The following UST variants were observed in gnomAD, a reference collection of about 807,000 sequenced individuals.
UST encodes chondroitin sulfate 2-O-sulfotransferase.
UST carries 21 observed loss-of-function variants against 45.6 expected under a neutral mutation model. That is an observed-to-expected ratio of 0.46 (90% confidence interval 0.33 to 0.66). UST has a LOEUF of 0.66. Among genes scored for constraint, UST ranks in the 30% least tolerant of loss-of-function variants. The pLI is 0.02. For synonymous variants in UST, 215 were observed against 200.6 expected (o/e 1.07, Z -0.61); for missense variants, 463 against 512.4 (o/e 0.90, Z 0.93).
At chr6:148,797,762 A>C (rs1483437462) in intron 1 of UST, among the ~76,000 whole-genome samples, 1 of 152,192 alleles carries the variant, frequency 6.6e-6, no homozygotes, top group Non-Finnish European at 1.5e-5. Context: ...GGAGGGAAGG[A>C]AGGCAGTTCA....
chr6:148,964,342 T>C, intron 4 of UST, 68 bp from the exon 5 acceptor site: 1 of 1,575,466 alleles, frequency 6.3e-7, no homozygotes, highest in Non-Finnish European at 8.7e-7. Flanking sequence ...GAAGGGGAGA[T>C]GTTGTCTAAG....
intron 7 of UST, among the ~76,000 whole-genome samples, chr6:149,052,159 T>C (rs1255936182): frequency 6.6e-6 from 1 of 152,232 alleles, no homozygotes; most frequent in East Asian, 1.9e-4. Context: ...CTCAAAGTCT[T>C]GATGTCTGTA....
intron 1 of UST, among the ~76,000 whole-genome samples, chr6:148,805,057 ATATTTT>A (rs1777121591): frequency 6.6e-6 from 1 of 152,124 alleles, no homozygotes; most frequent in Non-Finnish European, 1.5e-5. Context: ...TTGCATATTT[ATATTTT>A]TGAGTTTCAC....
chr6:148,827,022 C>A (rs1312931586), intron 1 of UST, among the ~76,000 whole-genome samples: 4 of 152,066 alleles, frequency 2.6e-5, no homozygotes, highest in Non-Finnish European at 4.4e-5. Context: ...TTCACAGGTT[C>A]TGGGAGTTAG....
At position 149,075,043 on chromosome 6, in the gene UST, C is replaced by T. The variant is rs1185149666; in HGVS notation, c.*927C>T. 1.3e-5 allele frequency: 2 copies of T among 152,214 alleles called. No homozygotes were observed. The allele number at this position is 152,214 out of a possible 1,614,324, so 9.4% of individuals were successfully genotyped here. On this transcript the variant is annotated 3_prime_UTR_variant, in exon 8 of 8. Coordinates refer to ENST00000367463, the MANE Select transcript of UST (RefSeq NM_005715.3). ...TGTGTAAGGAAGAATGTAGACAAGACAGATAAATCTGAAGGTCATGTGGCA... is the reference window on the plus strand; with the variant it reads ...TGTGTAAGGAAGAATGTAGACAAGATAGATAAATCTGAAGGTCATGTGGCA...
At chr6:148,855,360 A>T (rs1007298891) in intron 1 of UST, among the ~76,000 whole-genome samples, 2 of 152,202 alleles carry the variant, frequency 1.3e-5, no homozygotes, top group African/African-American at 4.8e-5. Context: ...TTGTTCTCAG[A>T]TCACTGCCCT....
intron 2 of UST, among the ~76,000 whole-genome samples, chr6:148,892,651 T>C (rs887500754): frequency 6.6e-6 from 1 of 152,222 alleles, no homozygotes; most frequent in Non-Finnish European, 1.5e-5. Context: ...ATGCAGCTAG[T>C]GGTTACTGTC....
intron 7 of UST, among the ~76,000 whole-genome samples, chr6:149,033,614 C>T (rs1381118741): frequency 6.6e-6 from 1 of 152,110 alleles, no homozygotes; most frequent in Non-Finnish European, 1.5e-5. Flanking sequence ...CCAACATAAT[C>T]CCACACTGAT....
chr6:148,764,812 C>T (rs981053112), intron 1 of UST, among the ~76,000 whole-genome samples: 3 of 152,134 alleles, frequency 2.0e-5, no homozygotes, highest in Non-Finnish European at 4.4e-5. Context: ...ACTTCCATGT[C>T]CTGCTGTGCA....
At chr6:148,826,119 T>C (rs1777563142) in intron 1 of UST, among the ~76,000 whole-genome samples, 1 of 152,154 alleles carries the variant, frequency 6.6e-6, no homozygotes, top group African/African-American at 2.4e-5. Context: ...CATCCTGTTT[T>C]GTTTTGTTTT....
rs1033724125 is a variant in UST, at chr6:148,790,327, C to T, written c.247+42650C>T. Among the ~76,000 whole-genome samples, 3 of 152,268 alleles carry T rather than the reference C, an allele frequency of 2.0e-5. No homozygotes were observed. Among genetic ancestry groups the T allele is most frequent in the East Asian group, 1.9e-4 (1 of 5,182 alleles). ...CCGTTTTGCTGTCTGCTCTCTCCAG[C>T]GCCTCATGATGTCAGATGTAGAATA... On this transcript the variant is annotated intron_variant, in intron 1 of 7. Transcript: ENST00000367463. This position sits in a 1 kb window ranked among gnomAD's most constrained non-coding sequence, Gnocchi z 4.2.
rs138917634 is a variant in UST, at chr6:148,992,866, T to C, written c.682-26273T>C. On this transcript the variant is annotated intron_variant, in intron 5 of 7. Coordinates refer to ENST00000367463, the MANE Select transcript of UST (RefSeq NM_005715.3). ...CTTAACCTCTTTTGTGTCATGAACC[T>C]CTTTAGCAGTCTAGTGAAGTCTACA... 243 of 368,394 alleles carry C rather than the reference T, an allele frequency of 6.6e-4. 3 individuals carry two copies. In the Admixed American group the frequency reaches 0.013, roughly 19 times the overall value. The allele number at this position is 368,394 out of a possible 1,614,324, so 22.8% of individuals were successfully genotyped here.
intron 7 of UST, among the ~76,000 whole-genome samples, chr6:149,054,058 C>T (rs542577483): frequency 6.6e-6 from 1 of 152,158 alleles, no homozygotes; most frequent in Non-Finnish European, 1.5e-5. Context: ...CTATTCTCAC[C>T]CCATCCCCCC....
intron 2 of UST, among the ~76,000 whole-genome samples, chr6:148,899,350 C>T (rs375359964): frequency 9.9e-5 from 15 of 152,144 alleles, no homozygotes; most frequent in South Asian, 2.1e-4. Flanking sequence ...CTGCCCGCCT[C>T]GGCCTCCCAA....
chr6:148,782,352 G>A (rs1378533555), intron 1 of UST, among the ~76,000 whole-genome samples: 3 of 152,138 alleles, frequency 2.0e-5, no homozygotes, highest in Non-Finnish European at 4.4e-5. Context: ...CAGATGTGGT[G>A]GAAATAGCGA....
intron 1 of UST, among the ~76,000 whole-genome samples, chr6:148,870,104 TCACACACACACACACA>T (rs60229120): frequency 1.6e-4 from 22 of 141,550 alleles, no homozygotes; most frequent in Non-Finnish European, 3.2e-4. Context: ...TGGTAATGTT[TCACACACACACACACA>T]CACACACACA....
intron 1 of UST, among the ~76,000 whole-genome samples, chr6:148,851,966 G>C (rs1235926593): frequency 6.6e-6 from 1 of 152,208 alleles, no homozygotes; most frequent in Non-Finnish European, 1.5e-5. Context: ...ATGTGGCTGG[G>C]AAAGGTTTCA....
chr6:148,987,322 A>G (rs896689536), intron 5 of UST, among the ~76,000 whole-genome samples: 2 of 152,162 alleles, frequency 1.3e-5, no homozygotes, highest in African/African-American at 4.8e-5. Flanking sequence ...CTCTTCTCTC[A>G]CTGCGTCTTG....
chr6:148,941,220 AG>A, intron 2 of UST, 58 bp from the exon 3 acceptor site: 1 of 1,585,822 alleles, frequency 6.3e-7, no homozygotes, highest in South Asian at 1.2e-5. Flanking sequence ...AATTGAGGGA[AG>A]AATCCTAAGT....
Sources: gnomAD v4.1 joint callset for allele counts (sites outside exome capture counted in the v4.1 genomes callset) on GRCh38, gnomAD v4.1.1 for gene constraint, Gnocchi (gnomAD v3.1) non-coding constraint, MANE v1.5 for transcripts, NCBI Gene and HGNC (gene_info 2026-07-23, HGNC 2026-07-21) for gene names.